Variants in AFF2 observed in about 807,000 individuals in gnomAD.
The protein encoded by AFF2 is ALF transcription elongation factor 2.
AFF2 carries 14 observed loss-of-function variants against 76.9 expected under a neutral mutation model. That is an observed-to-expected ratio of 0.18 (90% CI 0.12 to 0.28). AFF2 has a LOEUF of 0.28. Among genes scored for constraint, AFF2 ranks in the 10% least tolerant of loss-of-function variants. The pLI, the probability that AFF2 is intolerant of heterozygous loss-of-function variation, is 1.00. For missense variants in AFF2, 868 were observed against 1,001.1 expected (o/e 0.87, Z 1.79); for synonymous variants, 398 against 366.7 (o/e 1.09, Z -0.98).
At chrX:148,758,516 T>C (rs2069402106) in intron 3 of AFF2, among the ~76,000 whole-genome samples, 2 of 111,816 alleles carry the variant, frequency 1.8e-5, no homozygotes, top group Non-Finnish European at 3.8e-5. Flanking sequence ...CCACTGTAGA[T>C]AGCTCGGTGA....
intron 7 of AFF2, among the ~76,000 whole-genome samples, chrX:148,861,760 T>C (rs1331741939): frequency 2.7e-5 from 3 of 111,702 alleles, no homozygotes; most frequent in African/African-American, 9.8e-5. Context: ...TCTTGCCATC[T>C]TCACTCCACC....
chrX:148,931,971 G>A (rs2071719030), intron 9 of AFF2, among the ~76,000 whole-genome samples: 1 of 111,862 alleles, frequency 8.9e-6, no homozygotes, highest in Non-Finnish European at 1.9e-5. Context: ...TCCTCAGTAT[G>A]GCAGATATGT....
At chrX:148,737,836 G>A (rs1436894548) in intron 3 of AFF2, among the ~76,000 whole-genome samples, 1 of 111,479 alleles carries the variant, frequency 9.0e-6, no homozygotes, top group Non-Finnish European at 1.9e-5. Flanking sequence ...AAGCGATGTT[G>A]GGTTTTGCTG....
chrX:148,726,292 G>A (rs982082066), intron 3 of AFF2, among the ~76,000 whole-genome samples: 1 of 111,741 alleles, frequency 8.9e-6, no homozygotes, highest in Admixed American at 9.5e-5. Context: ...TTTTACTGGG[G>A]TCTGGTCACA....
rs1276676796 is a variant in AFF2, at chrX:148,999,065, A to G, written c.*7733A>G. 1 of 111,737 alleles carries G rather than the reference A, an allele frequency of 8.9e-6. No homozygotes were observed. Among genetic ancestry groups the G allele is most frequent in the Non-Finnish European group, 1.9e-5 (1 of 53,200 alleles). The allele number at this position is 111,737 out of a possible 1,213,427, so 9.2% of individuals were successfully genotyped here. On this transcript the variant is annotated 3_prime_UTR_variant, in exon 21 of 21. Transcript: ENST00000370460. ...CACCCCACAGTGATAAATGAAAAGGATAGAGGTAGTTTTTTCAAAAGAGCA... is the reference window on the plus strand; with the variant it reads ...CACCCCACAGTGATAAATGAAAAGGGTAGAGGTAGTTTTTTCAAAAGAGCA...
chrX:148,798,115 T>C (rs2070010022), intron 3 of AFF2, among the ~76,000 whole-genome samples: 1 of 111,923 alleles, frequency 8.9e-6, no homozygotes, highest in South Asian at 3.8e-4. Flanking sequence ...TTCTGCATTA[T>C]AACATGGTAG....
intron 1 of AFF2, among the ~76,000 whole-genome samples, chrX:148,600,909 C>G (rs1301184425): frequency 8.9e-6 from 1 of 112,054 alleles, no homozygotes; most frequent in Non-Finnish European, 1.9e-5. Context: ...TGCAAAGGCT[C>G]TGAGGTATGA....
At position 148,738,787 on chromosome X, in the gene AFF2, G is replaced by T. The variant is rs782565897; in HGVS notation, c.1042-71089G>T. 1.0e-3 allele frequency among the ~76,000 whole-genome samples: 111 copies of T among 111,465 alleles called. 1 individual carries two copies. The highest frequency in any genetic ancestry group is 1.8e-3 in the Non-Finnish European group (98 of 53,084). ...GAACTTTCCTCTTGGCACCACCTTT[G>T]CTGTATCCCAGAAGTTTTGATAGGT... On this transcript the variant is annotated intron_variant, in intron 3 of 20. Transcript: ENST00000370460.
chrX:148,833,254 C>T (rs1286932015), intron 4 of AFF2, among the ~76,000 whole-genome samples: 1 of 111,539 alleles, frequency 9.0e-6, no homozygotes, highest in Non-Finnish European at 1.9e-5. Flanking sequence ...CAAGGTGATT[C>T]GCATGTCAGG....
intron 4 of AFF2, among the ~76,000 whole-genome samples, chrX:148,814,833 G>A (rs1290398703): frequency 2.7e-5 from 3 of 111,208 alleles, no homozygotes; most frequent in Non-Finnish European, 1.9e-5. Context: ...AGCCCATCTT[G>A]CAAGTAAGAA....
intron 9 of AFF2, among the ~76,000 whole-genome samples, chrX:148,920,368 T>C (rs1557283067): frequency 1.8e-5 from 2 of 111,983 alleles, no homozygotes; most frequent in Non-Finnish European, 3.8e-5. Flanking sequence ...TGTAAAAGGT[T>C]AGGAATTACT....
In AFF2 at chrX:148,729,217, C is replaced by A. The variant is rs148423567; in HGVS notation, c.1041+66449C>A. On this transcript the variant is annotated intron_variant, in intron 3 of 20. Coordinates refer to ENST00000370460, the MANE Select transcript of AFF2 (RefSeq NM_002025.4). ...TGTGAAATAGAGGCTTAAGGGATAT[C>A]TTGGACTTACACAAAGCCTGGTGTA... Among the ~76,000 whole-genome samples, 457 of 112,174 alleles carry A rather than the reference C, an allele frequency of 4.1e-3. 1 individual carries two copies. The highest frequency in any genetic ancestry group is 0.011 in the South Asian group (29 of 2,710).
chrX:148,824,308 T>C (rs1196174342), intron 4 of AFF2, among the ~76,000 whole-genome samples: 1 of 111,534 alleles, frequency 9.0e-6, no homozygotes, highest in Non-Finnish European at 1.9e-5. Context: ...AGAAAAGCCA[T>C]TCATTGTACA....
chrX:148,953,564 G>A lies in AFF2; in HGVS notation c.1398-16G>A, dbSNP rs2071994636. On this transcript the variant is annotated splice_polypyrimidine_tract_variant and intron_variant, in intron 9 of 20. Coordinates refer to ENST00000370460, the MANE Select transcript of AFF2 (RefSeq NM_002025.4). ...GAGAGTAAATGAGGCAATGAATTAT[G>A]TTGTTTTTCTTTCAGCCCACCCTTG... The A allele has an allele frequency of 5.8e-6, 7 of 1,198,933 alleles. No homozygotes were observed. The highest frequency in any genetic ancestry group is 7.9e-6 in the Non-Finnish European group (7 of 889,083).
chrX:148,827,759 C>G (rs2070405579), intron 4 of AFF2, among the ~76,000 whole-genome samples: 1 of 112,240 alleles, frequency 8.9e-6, no homozygotes, highest in African/African-American at 3.2e-5. Context: ...GAGAGTACCA[C>G]CAGACCCTGT....
At chrX:148,545,416 G>T (rs138092068) in intron 1 of AFF2, among the ~76,000 whole-genome samples, 1,214 of 112,020 alleles carry the variant, frequency 0.011, 12 homozygotes, top group African/African-American at 0.037. Flanking sequence ...TTGGGTGTCA[G>T]CCTGCTGTGT....
intron 15 of AFF2, 121 bp from the exon 16 acceptor site, chrX:148,973,350 C>T: frequency 2.2e-6 from 2 of 896,251 alleles, no homozygotes; most frequent in Non-Finnish European, 1.6e-6. Flanking sequence ...AAAGTGTCTC[C>T]AGACATTGCC....
intron 1 of AFF2, among the ~76,000 whole-genome samples, chrX:148,588,434 A>T (rs782222354): frequency 8.9e-6 from 1 of 112,528 alleles, no homozygotes; most frequent in Non-Finnish European, 1.9e-5. Context: ...GAAACTGTTT[A>T]TGGAGGGCAG....
At chrX:148,672,418 C>T (rs1169921098) in intron 3 of AFF2, among the ~76,000 whole-genome samples, 1 of 111,954 alleles carries the variant, frequency 8.9e-6, no homozygotes, top group Non-Finnish European at 1.9e-5. Context: ...GCGTCACTTG[C>T]CTAAAGGCAC....
Sources: gnomAD v4.1 joint callset for allele counts (sites outside exome capture counted in the v4.1 genomes callset) on GRCh38, gnomAD v4.1.1 for gene constraint, MANE v1.5 for transcripts, NCBI Gene and HGNC (gene_info 2026-07-23, HGNC 2026-07-21) for gene names.